Variants in SLC16A4 observed in about 807,000 individuals in gnomAD.
The protein encoded by SLC16A4 is solute carrier family 16 member 4.
A neutral mutation model predicts 47.9 loss-of-function variants in SLC16A4; 39 were observed. The observed-to-expected ratio is 0.81, with a 90% CI of 0.63 to 1.06. SLC16A4 has a LOEUF of 1.06. Ranked by LOEUF, SLC16A4 falls within the 50% of genes least tolerant of loss-of-function variation. The pLI is 0.00. For synonymous variants in SLC16A4, 189 were observed against 199.9 expected (o/e 0.95, Z 0.46); for missense variants, 524 against 573.8 (o/e 0.91, Z 0.89).
At position 110,381,119 on chromosome 1, in the gene SLC16A4, T is replaced by G. The variant is rs761525305; in HGVS notation, c.389A>C (p.Gln130Pro). Residue 130 changes from glutamine to proline, a missense_variant, in exon 5 of 9, where the codon CAA (glutamine) becomes CCA (proline). Physicochemically the swap from Gln to Pro is moderately conservative, Grantham distance 76. Transcript: ENST00000369779. Reference sequence around the variant, plus strand: ...TTTGGTAGTTACCACAGCAGCCACTTGGTATAAGAAAGCAGAACCCAAACC... The same window carrying G: ...TTTGGTAGTTACCACAGCAGCCACTGGGTATAAGAAAGCAGAACCCAAACC... ...LPGLGSAFLY[Q>P]VAAVVTTKYF... 3.1e-6 allele frequency: 5 copies of G among 1,613,998 alleles called. No homozygotes were observed. Among genetic ancestry groups the G allele is most frequent in the Non-Finnish European group, 4.2e-6 (5 of 1,180,008 alleles).
chr1:110,372,448 A>G lies in SLC16A4; in HGVS notation c.1336+3010T>C, dbSNP rs1661736099. ...AATTCAATTAAAGACTTTTGATTCA[A>G]TTAAAGACTCAGTTCTGCCTACACC... On this transcript the variant is annotated intron_variant, in intron 8 of 8. Coordinates refer to ENST00000369779, the MANE Select transcript of SLC16A4 (RefSeq NM_004696.3). 2.0e-5 allele frequency: 3 copies of G among 152,214 alleles called. No individual in the cohort carries two copies. In the South Asian group the frequency reaches 6.2e-4, roughly 32 times the overall value. 9.4% of individuals were successfully genotyped at this position (152,214 alleles called of 1,614,324 possible).
intron 5 of SLC16A4, 72 bp from the exon 6 acceptor site, chr1:110,379,428 A>G: frequency 7.1e-7 from 1 of 1,407,198 alleles, no homozygotes; most frequent in Non-Finnish European, 9.6e-7. Flanking sequence ...TCATAGGCTC[A>G]GAAGAGGCCC....
At chr1:110,387,945 C>T (rs571467945) in intron 2 of SLC16A4, among the ~76,000 whole-genome samples, 6 of 112,540 alleles carry the variant, frequency 5.3e-5, no homozygotes, top group East Asian at 2.4e-4. Context: ...TTGTCTAGCA[C>T]GAGGGAGGAG....
intron 8 of SLC16A4, chr1:110,373,032 C>T (rs187764658): frequency 1.9e-4 from 29 of 152,058 alleles, no homozygotes; most frequent in African/African-American, 6.8e-4. Flanking sequence ...CTATCTTTTT[C>T]CATAAAAACA....
chr1:110,376,938 G>C lies in SLC16A4; in HGVS notation c.1242+12C>G. ...AAATGGTTTAACAATGTTAATGAGT[G>C]TGTCTACTCACCAGTACAGGCAGTA... On this transcript the variant is annotated intron_variant, in intron 7 of 8. Transcript: ENST00000369779. The C allele has an allele frequency of 6.2e-7, 1 of 1,605,308 alleles. No homozygotes were observed. Among genetic ancestry groups the C allele is most frequent in the Admixed American group, 1.7e-5 (1 of 59,834 alleles).
intron 2 of SLC16A4, among the ~76,000 whole-genome samples, chr1:110,385,840 A>G (rs1662705116): frequency 6.6e-6 from 1 of 152,222 alleles, no homozygotes; most frequent in African/African-American, 2.4e-5. Context: ...TCAGGCCCCC[A>G]TTGAGGCAAT....
At position 110,389,273 on chromosome 1, in the gene SLC16A4, T is replaced by A. The variant is rs17851904; in HGVS notation, c.51A>T (p.Gly17=). The stretch of plus-strand genomic sequence containing the variant: ...GAATCACAATCATCCATCCCCATCC[T>A]CCATCCAGGGTTTTAGTGTAAGGTT... ...KVQPYTKTLD[G]GWGWMIVIHF... is the part of the protein sequence containing the mutation. Residue 17 remains glycine (G), a synonymous_variant, in exon 2 of 9, where the codon GGA becomes GGT. Transcript: ENST00000369779. The A allele has an allele frequency of 1.9e-6, 3 of 1,614,062 alleles. No homozygotes were observed. Among genetic ancestry groups the A allele is most frequent in the Non-Finnish European group, 2.5e-6 (3 of 1,179,886 alleles).
In SLC16A4 at chr1:110,381,766, G is replaced by C. The variant is rs1662403659; in HGVS notation, c.250C>G (p.Leu84Val). ...AGAATGGAGGTAGTTTTCTCTCCAAGTATGTCACAAATAATAGCAACCAGG... is the reference window on the plus strand; with the variant it reads ...AGAATGGAGGTAGTTTTCTCTCCAACTATGTCACAAATAATAGCAACCAGG... ...GPLVAIICDILGEKTTSILGA... is the reference protein window; with the variant it reads ...GPLVAIICDIVGEKTTSILGA... The change falls in exon 4 of 9, where the codon CTT becomes GTT. Residue 84 changes from leucine (L) to valine (V), a missense_variant. Physicochemically the swap from Leu to Val is conservative, Grantham distance 32. Transcript: ENST00000369779. 3 of 1,613,226 alleles carry C rather than the reference G, an allele frequency of 1.9e-6. No individual in the cohort carries two copies. In the African/African-American group the frequency reaches 4.0e-5, roughly 22 times the overall value.
intron 3 of SLC16A4, 50 bp downstream of exon 3, chr1:110,382,784 C>G (rs765609725): frequency 4.1e-6 from 6 of 1,459,412 alleles, no homozygotes; most frequent in Non-Finnish European, 5.5e-6. Context: ...CTTGGAATTG[C>G]CCTTTGTGGT....
At chr1:110,381,904 T>A (rs1362853521) in intron 3 of SLC16A4, 109 bp from the exon 4 acceptor site, 1 of 1,036,024 alleles carries the variant, frequency 9.7e-7, no homozygotes. Flanking sequence ...ACTGTTTACT[T>A]TGAAGTATTA....
chr1:110,381,612 C>G, intron 4 of SLC16A4, 40 bp downstream of exon 4: 1 of 1,591,674 alleles, frequency 6.3e-7, no homozygotes, highest in Non-Finnish European at 8.5e-7. Context: ...TGAGCCACCA[C>G]TCCTGGCCTT....
intron 1 of SLC16A4, among the ~76,000 whole-genome samples, chr1:110,389,751 C>G (rs544103986): frequency 7.0e-6 from 1 of 141,936 alleles, no homozygotes; most frequent in South Asian, 2.3e-4. Context: ...ATATCCTTTC[C>G]AGCAATATGG....
At chr1:110,369,526 G>A (rs1352267264) in intron 8 of SLC16A4, among the ~76,000 whole-genome samples, 2 of 152,050 alleles carry the variant, frequency 1.3e-5, no homozygotes, top group African/African-American at 4.8e-5. Flanking sequence ...CTTGAACCTG[G>A]ATAAGTGAGC....
chr1:110,376,472 G>A (rs1218663950), intron 7 of SLC16A4, among the ~76,000 whole-genome samples: 2 of 152,170 alleles, frequency 1.3e-5, no homozygotes, highest in East Asian at 3.8e-4. Flanking sequence ...CTTTGCGTCA[G>A]TTTAGGGTAA....
At chr1:110,390,325 G>C (rs143877617) in intron 1 of SLC16A4, among the ~76,000 whole-genome samples, 200 of 152,274 alleles carry the variant, frequency 1.3e-3, no homozygotes, top group African/African-American at 4.5e-3. Context: ...GGGAAGGCGA[G>C]CCTTGAGTTT....
chr1:110,368,292 A>G (rs1193018723), intron 8 of SLC16A4, among the ~76,000 whole-genome samples: 1 of 152,202 alleles, frequency 6.6e-6, no homozygotes, highest in East Asian at 1.9e-4. Flanking sequence ...ATTACATACC[A>G]GTTATAATCT....
At position 110,381,081 on chromosome 1, in the gene SLC16A4, G is replaced by T. The variant is rs746446768; in HGVS notation, c.427C>A (p.Arg143=). 1.2e-6 allele frequency: 2 copies of T among 1,614,096 alleles called. No individual in the cohort carries two copies. The highest frequency in any genetic ancestry group is 2.2e-5 in the East Asian group (1 of 44,880). ...GCAATAGCTGTAGAAAGAGCCAATC[G>T]TTTTTTGAAGTATTTGGTAGTTACC... ...AVVTTKYFKK[R]LALSTAIARS... is the part of the protein sequence containing the mutation. Residue 143 remains arginine (R), a synonymous_variant, in exon 5 of 9, where the codon CGA becomes AGA. Transcript: ENST00000369779.
At chr1:110,369,246 C>T (rs1409734438) in intron 8 of SLC16A4, among the ~76,000 whole-genome samples, 1 of 151,478 alleles carries the variant, frequency 6.6e-6, no homozygotes, top group African/African-American at 2.4e-5. Context: ...AGCCACTGTG[C>T]CCAGTCATGA....
chr1:110,368,976 A>G (rs1661547235), intron 8 of SLC16A4, among the ~76,000 whole-genome samples: 1 of 146,088 alleles, frequency 6.8e-6, no homozygotes, highest in Non-Finnish European at 1.5e-5. Context: ...TTTTTTTGAG[A>G]TGGAGTCTCG....
Sources: gnomAD v4.1 joint callset for allele counts (sites outside exome capture counted in the v4.1 genomes callset) on GRCh38, gnomAD v4.1.1 for gene constraint, MANE v1.5 for transcripts, NCBI Gene and HGNC (gene_info 2026-07-23, HGNC 2026-07-21) for gene names.